TFR2: variants seen among roughly 807,000 people sequenced by gnomAD.
TFR2 encodes the protein transferrin receptor 2.
Under a neutral mutation model 91.9 loss-of-function variants are expected in TFR2, and 64 were observed. The ratio of observed to expected loss-of-function variants is 0.70; its 90% CI spans 0.57 to 0.86. The LOEUF is 0.86. Ranked by LOEUF, TFR2 falls within the 40% of genes least tolerant of loss-of-function variation. The pLI is 0.00. For missense variants in TFR2, 950 were observed against 1,080.5 expected (o/e 0.88, Z 1.69); for synonymous variants, 454 against 459.6 (o/e 0.99, Z 0.15).
At chr7:100,638,194 G>A (rs1002317847) in intron 3 of TFR2, among the ~76,000 whole-genome samples, 1 of 151,892 alleles carries the variant, frequency 6.6e-6, no homozygotes, top group African/African-American at 2.4e-5. Context: ...TAGTAGAAAC[G>A]GGGTTTCACC....
At chr7:100,621,181 G>A (rs1803100931) in intron 17 of TFR2, 55 bp from the exon 18 acceptor site, 1 of 1,435,990 alleles carries the variant, frequency 7.0e-7, no homozygotes, top group Non-Finnish European at 9.2e-7. Flanking sequence ...GGGAGCAAAG[G>A]CCCGAGTCAC....
Position 100,626,823 on chromosome 7 carries a change from G to A in TFR2, c.2076C>T (p.Ile692=), listed in dbSNP as rs1489691312. ...GCTCGTCTCTCTCCTCCGAGCTGTA[G>A]ATCTCCTGCCGCAGCTTTTCCGCCG... ...IRAAEKLRQE[I]YSSEERDERL... Residue 692 remains isoleucine, a synonymous_variant, in exon 17 of 18, where the codon ATC becomes ATT. Coordinates refer to ENST00000223051, the MANE Select transcript of TFR2 (RefSeq NM_003227.4). 5 of 1,549,606 alleles carry A rather than the reference G, an allele frequency of 3.2e-6. No homozygotes were observed. In the African/African-American group the frequency reaches 4.1e-5, roughly 13 times the overall value.
rs781550227 is a variant in TFR2, at chr7:100,633,226, C to G, written c.726+3G>C. On this transcript the variant is annotated splice_donor_region_variant and intron_variant, in intron 5 of 17. Transcript: ENST00000223051. The stretch of plus-strand genomic sequence containing the variant: ...ATCCTAGGAGCGGGCAGGGGGTGCT[C>G]ACCGTGACGTTGCCGATGGCGCTGT... The G allele has an allele frequency of 3.5e-5, 57 of 1,613,580 alleles. No individual in the cohort carries two copies. The highest frequency in any genetic ancestry group is 4.5e-5 in the Non-Finnish European group (53 of 1,179,880).
rs1328506608 is a variant in TFR2 at position 100,641,167 on chromosome 7, C to T, written c.95G>A (p.Gly32Glu). 2 of 1,530,920 alleles carry T rather than the reference C, an allele frequency of 1.3e-6. No individual in the cohort carries two copies. Among genetic ancestry groups the T allele is most frequent in the Non-Finnish European group, 1.8e-6 (2 of 1,137,922 alleles). 94.8% of individuals were successfully genotyped at this position (1,530,920 alleles called of 1,614,324 possible). The change falls in exon 2 of 18, where the codon GGG (glycine) becomes GAG (glutamate). Residue 32 changes from glycine to glutamate, a missense_variant. By Grantham distance (98) the Gly-to-Glu change is moderately conservative. Transcript: ENST00000223051. ...VYQRVEGPRK[G>E]HLEEEEEDGE... ...GTCTTCCTCTTCCTCCTCCAGGTGC[C>T]CTTTCCGGGGGCCTTCCACACGCTG...
rs761027372 is a variant in TFR2, at chr7:100,631,932, G to A, written c.980C>T (p.Thr327Ile). The A allele has an allele frequency of 7.4e-6, 12 of 1,614,040 alleles. No individual in the cohort carries two copies. The South Asian group carries it at 1.3e-4, about 18-fold the overall frequency. Reference sequence around the variant, plus strand: ...GAAGCCAGGTGTGTAGGGGTCTCCAGTTCCCAGGTGCACCTGCAGGGAAAG... The same window carrying A: ...GAAGCCAGGTGTGTAGGGGTCTCCAATTCCCAGGTGCACCTGCAGGGAAAG... Reference protein sequence around the residue: ...QAVYGHVHLGTGDPYTPGFPS... With the variant: ...QAVYGHVHLGIGDPYTPGFPS... The change falls in exon 8 of 18, where the codon ACT becomes ATT. Residue 327 changes from threonine to isoleucine, a missense_variant. Coordinates refer to ENST00000223051, the MANE Select transcript of TFR2 (RefSeq NM_003227.4).
intron 17 of TFR2, among the ~76,000 whole-genome samples, chr7:100,621,413 C>A (rs899226569): frequency 6.6e-6 from 1 of 152,118 alleles, no homozygotes; most frequent in Non-Finnish European, 1.5e-5. Context: ...GCCACGACGC[C>A]CGGCTAATTT....
At chr7:100,629,538 T>G (rs77802285) in intron 9 of TFR2, among the ~76,000 whole-genome samples, 166 bp from the exon 10 acceptor site, 2,233 of 152,236 alleles carry the variant, frequency 0.015, 50 homozygotes, top group African/African-American at 0.051. Flanking sequence ...CCTTCCTGGA[T>G]GGTGTGCTCC....
rs1242357910 is a variant in TFR2 at position 100,621,097 on chromosome 7, C to T, written c.2166G>A (p.Val722=). 2 of 1,537,170 alleles carry T rather than the reference C, an allele frequency of 1.3e-6. No homozygotes were observed. The highest frequency in any genetic ancestry group is 1.8e-6 in the Non-Finnish European group (2 of 1,136,596). Residue 722 remains valine (V), a synonymous_variant, in exon 18 of 18, where the codon GTG becomes GTA. Transcript: ENST00000223051. ...GGCGGAACGGGGAGTCGGCTGGCGA[C>T]ACGTACTGGGAAAGGAAGTAGAACT... is the stretch of plus-strand genomic sequence containing the variant. ...RVEFYFLSQY[V]SPADSPFRHI... is the part of the protein sequence containing the mutation.
At chr7:100,629,937 G>A (rs940895625) in intron 9 of TFR2, among the ~76,000 whole-genome samples, 1 of 152,096 alleles carries the variant, frequency 6.6e-6, no homozygotes. Context: ...TAGTAGACAG[G>A]GTTTCACCAT....
chr7:100,626,812 T>C lies in TFR2; in HGVS notation c.2087A>G (p.Glu696Gly), dbSNP rs1051332522. The C allele has an allele frequency of 6.5e-7, 1 of 1,549,276 alleles. No individual in the cohort carries two copies. Residue 696 changes from glutamate (E) to glycine (G), a missense_variant, in exon 17 of 18, where the codon GAG (glutamate) becomes GGG (glycine). Transcript: ENST00000223051. The stretch of plus-strand genomic sequence containing the variant: ...GCGTGTCAGTCGCTCGTCTCTCTCC[T>C]CCGAGCTGTAGATCTCCTGCCGCAG... ...EKLRQEIYSS[E>G]ERDERLTRMY...
intron 1 of TFR2, 123 bp downstream of exon 1, chr7:100,641,354 G>GGGGGGGGGGGGGGGGGC: frequency 1.8e-6 from 1 of 570,592 alleles, no homozygotes; most frequent in Non-Finnish European, 3.1e-6. Flanking sequence ...TGGGGGAGGG[G>GGGGGGGGGGGGGGGGGC]CAGGGGTGGG....
At position 100,626,764 on chromosome 7, in the gene TFR2, C is replaced by T. The variant is rs201556221; in HGVS notation, c.2135G>A (p.Arg712Gln). The T allele has an allele frequency of 6.8e-4, 1,055 of 1,544,008 alleles. 1 individual carries two copies. Among genetic ancestry groups the T allele is most frequent in the Non-Finnish European group, 8.0e-4 (920 of 1,146,822 alleles). Residue 712 changes from arginine (R) to glutamine (Q), a missense_variant and splice_region_variant, in exon 17 of 18, where the codon CGG (arginine) becomes CAG (glutamine). Arg to Gln is a conservative substitution (Grantham distance 43, BLOSUM62 1). Coordinates refer to ENST00000223051, the MANE Select transcript of TFR2 (RefSeq NM_003227.4). ...GGGGCGAGGAGGGCGGGGCCTCACC[C>T]GCATTATGCGCACGTTGTACATGCG... ...LTRMYNVRIM[R>Q]VEFYFLSQYV...
chr7:100,626,959 G>T, intron 16 of TFR2, 56 bp from the exon 17 acceptor site: 1 of 1,512,286 alleles, frequency 6.6e-7, no homozygotes. Flanking sequence ...CCCCCGCCTA[G>T]CATGGGGACA....
In TFR2 at chr7:100,628,318, G is replaced by A; in HGVS notation, c.1391-12C>T. ...GCGGGGCCGGAAGCCTGGGGACAGA[G>A]GGGAAGGAGGACAGGCTTAGCAGGG... On this transcript the variant is annotated splice_polypyrimidine_tract_variant and intron_variant, in intron 10 of 17. Coordinates refer to ENST00000223051, the MANE Select transcript of TFR2 (RefSeq NM_003227.4). 2 of 1,613,862 alleles carry A rather than the reference G, an allele frequency of 1.2e-6. No individual in the cohort carries two copies. Among genetic ancestry groups the A allele is most frequent in the Non-Finnish European group, 1.7e-6 (2 of 1,179,832 alleles).
At chr7:100,636,366 G>A (rs1316233723) in intron 3 of TFR2, among the ~76,000 whole-genome samples, 1 of 151,948 alleles carries the variant, frequency 6.6e-6, no homozygotes, top group Non-Finnish European at 1.5e-5. Flanking sequence ...AGTAGAGACA[G>A]GATTTCACCA....
chr7:100,623,861 C>A (rs1019618508), intron 17 of TFR2, among the ~76,000 whole-genome samples: 1 of 136,426 alleles, frequency 7.3e-6, no homozygotes, highest in African/African-American at 2.9e-5. Flanking sequence ...ACCAGCCTGG[C>A]CAACATGATG....
Position 100,633,303 on chromosome 7 carries a change from CG to C in TFR2, c.651del (p.Lys219ArgfsTer59). 4 of 1,613,674 alleles carry C rather than the reference CG, an allele frequency of 2.5e-6. No individual in the cohort carries two copies. The highest frequency in any genetic ancestry group is 2.5e-6 in the Non-Finnish European group (3 of 1,179,850). On this transcript the variant is annotated frameshift_variant, in exon 5 of 18. Coordinates refer to ENST00000223051, the MANE Select transcript of TFR2 (RefSeq NM_003227.4). LOFTEE classifies it high-confidence loss of function. ...HPNTLHWVDE[A>X]GKVGEQLPLE... ...AGCGGCAGCTGCTCTCCGACCTTCCCGGCCTCATCGACCCAGTGCAGGGTGT... is the reference window on the plus strand; with the variant it reads ...AGCGGCAGCTGCTCTCCGACCTTCCCGCCTCATCGACCCAGTGCAGGGTGT...
intron 8 of TFR2, 70 bp from the exon 9 acceptor site, chr7:100,631,122 T>G: frequency 7.0e-7 from 1 of 1,421,888 alleles, no homozygotes; most frequent in Non-Finnish European, 9.2e-7. Context: ...ACTCTTTTCC[T>G]TATTTCTTTC....
intron 17 of TFR2, among the ~76,000 whole-genome samples, chr7:100,622,575 T>C (rs1344927737): frequency 6.6e-6 from 1 of 152,234 alleles, no homozygotes; most frequent in African/African-American, 2.4e-5. Context: ...TAGCCTCTCC[T>C]AGCCCCAGTT....
Sources: gnomAD v4.1 joint callset for allele counts (sites outside exome capture counted in the v4.1 genomes callset) on GRCh38, gnomAD v4.1.1 for gene constraint, MANE v1.5 for transcripts, NCBI Gene and HGNC (gene_info 2026-07-23, HGNC 2026-07-21) for gene names.